The following XKR9 variants were observed in gnomAD, a reference collection of about 807,000 sequenced individuals.
XKR9 encodes XK related 9, also known as XK-related protein 9.
Under a neutral mutation model 32.0 loss-of-function variants are expected in XKR9, and 32 were observed. The observed-to-expected ratio is 1.00, with a 90% CI of 0.76 to 1.34. XKR9 has a LOEUF of 1.34. Ranked by LOEUF, XKR9 falls within the 40% of genes most tolerant of loss-of-function variation. XKR9 has a pLI of 0.00. For synonymous variants in XKR9, 168 were observed against 143.4 expected, an observed-to-expected ratio of 1.17 and a Z score of -1.22; for missense variants, 546 against 429.7, an observed-to-expected ratio of 1.27 and a Z score of -2.39.
At chr8:71,026,928 G>T in the XKR9 span, among the ~76,000 whole-genome samples, 1 of 152,188 alleles carries the variant, frequency 6.6e-6, no homozygotes, top group East Asian at 1.9e-4. Context: ...AGAAATGAAA[G>T]AAATGCATGA....
the XKR9 span, among the ~76,000 whole-genome samples, chr8:70,973,204 T>G: frequency 6.6e-6 from 1 of 152,164 alleles, no homozygotes; most frequent in Non-Finnish European, 1.5e-5. Context: ...GGGTTGTATA[T>G]TTTCACAAAT....
At chr8:71,003,502 T>G in the XKR9 span, among the ~76,000 whole-genome samples, 1 of 152,146 alleles carries the variant, frequency 6.6e-6, no homozygotes, top group Non-Finnish European at 1.5e-5. Flanking sequence ...CCACAAATTC[T>G]CTAGTAAAGT....
chr8:70,974,221 C>A, the XKR9 span, among the ~76,000 whole-genome samples: 1 of 142,458 alleles, frequency 7.0e-6, no homozygotes, highest in Non-Finnish European at 1.5e-5. Flanking sequence ...TAGTGTCCCT[C>A]TTTTTTTTTT....
chr8:70,853,774 A>G, the XKR9 span, among the ~76,000 whole-genome samples: 1 of 151,896 alleles, frequency 6.6e-6, no homozygotes, highest in Non-Finnish European at 1.5e-5. Context: ...GAGAACATGC[A>G]GTGTTTGGTT....
the XKR9 span, among the ~76,000 whole-genome samples, chr8:70,885,754 GC>G: frequency 3.3e-5 from 5 of 151,962 alleles, no homozygotes; most frequent in Non-Finnish European, 7.4e-5. Context: ...CTGCCACCAC[GC>G]CCGGCTAATT....
chr8:70,826,346 C>G, the XKR9 span, among the ~76,000 whole-genome samples: 1 of 152,108 alleles, frequency 6.6e-6, no homozygotes, highest in Admixed American at 6.5e-5. Flanking sequence ...TTAGCAAAAA[C>G]AAACATTGAC....
intron 2 of XKR9, among the ~76,000 whole-genome samples, chr8:70,786,066 C>T (rs1807684751): frequency 6.6e-6 from 1 of 151,894 alleles, no homozygotes; most frequent in Admixed American, 6.6e-5. Flanking sequence ...GTTTAATTTC[C>T]ATGTATTTGT....
the XKR9 span, among the ~76,000 whole-genome samples, chr8:70,874,647 T>C: frequency 3.3e-5 from 5 of 152,240 alleles, no homozygotes; most frequent in Non-Finnish European, 1.5e-5. Context: ...AGTTGATAAC[T>C]GGCTTGAAGC....
At chr8:71,002,232 G>A in the XKR9 span, among the ~76,000 whole-genome samples, 1 of 151,742 alleles carries the variant, frequency 6.6e-6, no homozygotes, top group Non-Finnish European at 1.5e-5. Context: ...CTGGGTCAGT[G>A]GTCAAATTGT....
the XKR9 span, among the ~76,000 whole-genome samples, chr8:71,017,722 G>T: frequency 6.6e-6 from 1 of 152,302 alleles, no homozygotes; most frequent in South Asian, 2.1e-4. Context: ...CCAAGGTGGA[G>T]CTCATGAGCT....
intron 2 of XKR9, among the ~76,000 whole-genome samples, chr8:70,761,441 G>A (rs956098170): frequency 1.3e-5 from 2 of 151,960 alleles, no homozygotes; most frequent in Non-Finnish European, 2.9e-5. Context: ...ATTTCAATTT[G>A]CATTTCTCTA....
chr8:70,828,880 G>A, the XKR9 span, among the ~76,000 whole-genome samples: 2 of 152,094 alleles, frequency 1.3e-5, no homozygotes, highest in African/African-American at 2.4e-5. Context: ...CCATTCTAAG[G>A]TCTTTATATG....
chr8:70,683,748 A>C (rs1401885551), intron 3 of XKR9: 3 of 297,272 alleles, frequency 1.0e-5, no homozygotes, highest in African/African-American at 6.9e-5. Flanking sequence ...TTGGCCTCCC[A>C]AAGTGTTGGG....
the XKR9 span, among the ~76,000 whole-genome samples, chr8:70,945,099 G>A: frequency 6.6e-6 from 1 of 152,146 alleles, no homozygotes; most frequent in Non-Finnish European, 1.5e-5. Flanking sequence ...GTGTTAGAGG[G>A]ATGTTTTGGT....
the XKR9 span, among the ~76,000 whole-genome samples, chr8:70,947,675 C>T: frequency 6.6e-6 from 1 of 152,196 alleles, no homozygotes; most frequent in Admixed American, 6.5e-5. Flanking sequence ...TTTACCTAGG[C>T]TCACTTGTGA....
chr8:70,932,245 C>A, the XKR9 span, among the ~76,000 whole-genome samples: 2 of 151,524 alleles, frequency 1.3e-5, no homozygotes, highest in African/African-American at 4.9e-5. Context: ...TGACTGATGA[C>A]AATATAAGGC....
At chr8:70,801,157 G>A in the XKR9 span, among the ~76,000 whole-genome samples, 1 of 151,896 alleles carries the variant, frequency 6.6e-6, no homozygotes, top group African/African-American at 2.4e-5. Context: ...ATTTCATATG[G>A]TTTTTCATGT....
the XKR9 span, among the ~76,000 whole-genome samples, chr8:70,993,930 A>C: frequency 1.3e-5 from 2 of 152,152 alleles, no homozygotes; most frequent in African/African-American, 4.8e-5. Context: ...TTTCCAAGCC[A>C]TCCCCATGTC....
the XKR9 span, among the ~76,000 whole-genome samples, chr8:70,888,695 A>G: frequency 6.6e-6 from 1 of 151,966 alleles, no homozygotes. Context: ...TCCCAGCACT[A>G]TTTTTTGAAG....
Sources: gnomAD v4.1 joint callset for allele counts (sites outside exome capture counted in the v4.1 genomes callset) on GRCh38, gnomAD v4.1.1 for gene constraint, MANE v1.5 for transcripts, NCBI Gene and HGNC (gene_info 2026-07-23, HGNC 2026-07-21) for gene names.